Variants in SORCS1 observed in about 807,000 individuals in gnomAD.
SORCS1 encodes sortilin related VPS10 domain containing receptor 1.
In SORCS1, 60 loss-of-function variants were observed where a neutral mutation model predicts 146.1. That is an observed-to-expected ratio of 0.41 (90% CI 0.33 to 0.51). The LOEUF (loss-of-function observed/expected upper bound fraction) is 0.51. Among genes scored for constraint, SORCS1 ranks in the 20% least tolerant of loss-of-function variants. SORCS1 has a pLI of 0.21. For synonymous variants in SORCS1, 637 were observed against 584.0 expected, an observed-to-expected ratio of 1.09 and a Z score of -1.31; for missense variants, 1,352 against 1,487.6, an observed-to-expected ratio of 0.91 and a Z score of 1.50.
At chr10:106,779,112 C>CT (rs1860691995) in intron 3 of SORCS1, among the ~76,000 whole-genome samples, 1 of 152,098 alleles carries the variant, frequency 6.6e-6, no homozygotes, top group Non-Finnish European at 1.5e-5. Context: ...GTATCTTTGG[C>CT]TTTTTTTCTG....
intron 1 of SORCS1, among the ~76,000 whole-genome samples, chr10:107,122,034 TG>T (rs2134548795): frequency 6.6e-6 from 1 of 152,370 alleles, no homozygotes; most frequent in East Asian, 1.9e-4. Flanking sequence ...ACCAGCCACC[TG>T]ATGCTGCTGT....
intron 7 of SORCS1, among the ~76,000 whole-genome samples, chr10:106,707,553 T>G (rs1589706661): frequency 6.6e-6 from 1 of 151,980 alleles, no homozygotes; most frequent in East Asian, 1.9e-4. Context: ...AGGGCTAGAG[T>G]GCAGTGGCAC....
intron 2 of SORCS1, among the ~76,000 whole-genome samples, chr10:106,910,062 T>G (rs1377532695): frequency 1.3e-5 from 2 of 152,166 alleles, no homozygotes; most frequent in Non-Finnish European, 2.9e-5. Context: ...GCCAAATAAC[T>G]TATCTAAATA....
At chr10:106,970,284 G>A (rs1341694374) in intron 1 of SORCS1, 1 of 146,960 alleles carries the variant, frequency 6.8e-6, no homozygotes, top group African/African-American at 2.6e-5. Flanking sequence ...ATTCTGAGTA[G>A]TCTTCCTTGA....
At chr10:107,001,590 T>G (rs1448736442) in intron 1 of SORCS1, among the ~76,000 whole-genome samples, 1 of 152,108 alleles carries the variant, frequency 6.6e-6, no homozygotes, top group Non-Finnish European at 1.5e-5. Context: ...CAGCCTCCCA[T>G]GTAGTTGGGA....
chr10:106,828,870 T>C (rs1262805115), intron 3 of SORCS1, among the ~76,000 whole-genome samples: 2 of 152,136 alleles, frequency 1.3e-5, no homozygotes, highest in African/African-American at 4.8e-5. Context: ...GTGGAAAAAG[T>C]ATGACTGCTA....
intron 1 of SORCS1, among the ~76,000 whole-genome samples, chr10:106,977,807 G>A (rs1053814457): frequency 5.9e-5 from 9 of 152,058 alleles, no homozygotes; most frequent in Non-Finnish European, 1.0e-4. Flanking sequence ...CACATAGTAC[G>A]GCTTCGATAA....
rs904386657 is a variant in SORCS1, at chr10:106,878,620, G to GTGTATATATATA, written c.627-48948_627-48947insTATATATATACA. 3.1e-4 allele frequency among the ~76,000 whole-genome samples: 26 copies of GTGTATATATATA among 84,920 alleles called. 1 individual carries two copies. In the South Asian group the frequency reaches 4.6e-3, roughly 15 times the overall value. The allele number at this position is 84,920 out of a possible 152,430, so 55.7% of individuals were successfully genotyped here. ...AAATTTGTTTTTTATAAACTACCTA[G>GTGTATATATATA]TATATATATATATATATATATATAT... On this transcript the variant is annotated intron_variant, in intron 2 of 25. Transcript: ENST00000263054.
chr10:106,894,601 G>C (rs1248823476), intron 2 of SORCS1, among the ~76,000 whole-genome samples: 1 of 152,130 alleles, frequency 6.6e-6, no homozygotes, highest in Non-Finnish European at 1.5e-5. Context: ...AACTCGCATA[G>C]CCAATGAAGG....
chr10:106,856,935 C>T (rs1172581024), intron 2 of SORCS1, among the ~76,000 whole-genome samples: 3 of 152,190 alleles, frequency 2.0e-5, no homozygotes, highest in Non-Finnish European at 2.9e-5. Context: ...ATGATCTGAA[C>T]AGAGTTGTTA....
At chr10:107,173,694 C>A in the SORCS1 span, among the ~76,000 whole-genome samples, 1 of 152,068 alleles carries the variant, frequency 6.6e-6, no homozygotes, top group Non-Finnish European at 1.5e-5. Flanking sequence ...TATCTATAAT[C>A]CATCTGGAAT....
chr10:106,635,060 G>A (rs924012986), intron 18 of SORCS1, among the ~76,000 whole-genome samples: 9 of 152,246 alleles, frequency 5.9e-5, no homozygotes, highest in Admixed American at 1.3e-4. Flanking sequence ...CATTGCTGAC[G>A]TCTAGAATAG....
intron 6 of SORCS1, among the ~76,000 whole-genome samples, chr10:106,728,071 C>T (rs1017197997): frequency 9.3e-5 from 14 of 151,332 alleles, no homozygotes; most frequent in African/African-American, 2.9e-4. Context: ...CTGGCTCTGT[C>T]GCCAGGCTGG....
At chr10:107,045,984 G>A (rs1462331693) in intron 1 of SORCS1, among the ~76,000 whole-genome samples, 2 of 151,346 alleles carry the variant, frequency 1.3e-5, no homozygotes, top group Non-Finnish European at 2.9e-5. Context: ...GTCTTGCTCT[G>A]TCGTCAGGCT....
chr10:106,577,266 A>G lies in SORCS1; in HGVS notation c.*154T>C. On this transcript the variant is annotated 3_prime_UTR_variant, in exon 26 of 26. Coordinates refer to ENST00000263054, the MANE Select transcript of SORCS1 (RefSeq NM_052918.5). ...GGATTTCTTTTGTGCTTTGATTCTC[A>G]GCAACTATGGAAATACTTCCTGGCA... 6.2e-7 allele frequency: 1 copy of G among 1,604,278 alleles called. No individual in the cohort carries two copies. Among genetic ancestry groups the G allele is most frequent in the Non-Finnish European group, 8.5e-7 (1 of 1,174,252 alleles).
At chr10:107,171,126 AC>A in the SORCS1 span, among the ~76,000 whole-genome samples, 1 of 152,200 alleles carries the variant, frequency 6.6e-6, no homozygotes, top group East Asian at 1.9e-4. Context: ...TCAGTTTGAC[AC>A]TGTTCTTCAA....
chr10:106,578,153 A>C (rs901802556), intron 25 of SORCS1: 4 of 152,340 alleles, frequency 2.6e-5, no homozygotes, highest in Non-Finnish European at 5.9e-5. Flanking sequence ...TCTAGATGTA[A>C]ACATATAAGG....
chr10:106,651,526 G>A (rs2135253140), intron 18 of SORCS1, among the ~76,000 whole-genome samples: 1 of 152,222 alleles, frequency 6.6e-6, no homozygotes, highest in Admixed American at 6.5e-5. Context: ...GAGGGTCCCT[G>A]GACTATCAGC....
At chr10:107,044,799 G>T (rs1215863870) in intron 1 of SORCS1, among the ~76,000 whole-genome samples, 1 of 137,002 alleles carries the variant, frequency 7.3e-6, no homozygotes, top group Non-Finnish European at 1.5e-5. Flanking sequence ...GAGACAGAGT[G>T]AGATTGTGTC....
Sources: allele counts gnomAD v4.1 joint callset (sites outside exome capture counted in the v4.1 genomes callset), GRCh38; gene constraint gnomAD v4.1.1; transcripts MANE v1.5; gene names NCBI Gene and HGNC (gene_info 2026-07-23, HGNC 2026-07-21).